Variants in ADGRB3 observed in about 807,000 individuals in gnomAD.
ADGRB3 encodes adhesion G protein-coupled receptor B3, also known as brain-specific angiogenesis inhibitor 3.
ADGRB3 carries 37 observed loss-of-function variants against 193.4 expected under a neutral mutation model. The observed-to-expected ratio is 0.19, with a 90% CI of 0.15 to 0.25. ADGRB3 has a LOEUF of 0.25. Among genes scored for constraint, ADGRB3 ranks in the 10% least tolerant of loss-of-function variants. ADGRB3 has a pLI of 1.00. For missense variants in ADGRB3, 1,637 were observed against 1,852.9 expected (o/e 0.88, Z 2.14); for synonymous variants, 690 against 644.2 (o/e 1.07, Z -1.08).
At chr6:69,049,584 C>T (rs773040366) in intron 15 of ADGRB3, among the ~76,000 whole-genome samples, 2 of 151,930 alleles carry the variant, frequency 1.3e-5, no homozygotes, top group African/African-American at 4.8e-5. Context: ...ACTGATAATG[C>T]CTTGCCTTGA....
rs115340418 is a variant in ADGRB3, at chr6:69,373,652, T to C, written c.4275+1211T>C. ...ATATTCAGCAATCTTTGCCTTCAGATTTTTTAGTGCCTTTGAAGAACAGAT... is the reference window on the plus strand; with the variant it reads ...ATATTCAGCAATCTTTGCCTTCAGACTTTTTAGTGCCTTTGAAGAACAGAT... On this transcript the variant is annotated intron_variant, in intron 30 of 31. Coordinates refer to ENST00000370598, the MANE Select transcript of ADGRB3 (RefSeq NM_001704.3). Among the ~76,000 whole-genome samples the C allele has an allele frequency of 1.8e-3, 279 of 152,196 alleles. 1 individual carries two copies. Among genetic ancestry groups the C allele is most frequent in the Middle Eastern group, 0.01 (3 of 294 alleles).
At chr6:69,245,102 C>T (rs1766469956) in intron 20 of ADGRB3, among the ~76,000 whole-genome samples, 1 of 152,012 alleles carries the variant, frequency 6.6e-6, no homozygotes, top group Non-Finnish European at 1.5e-5. Context: ...GGAAGTTATC[C>T]TTGATGTCTC....
At chr6:69,003,244 G>A (rs1769635990) in intron 11 of ADGRB3, among the ~76,000 whole-genome samples, 1 of 152,150 alleles carries the variant, frequency 6.6e-6, no homozygotes, top group African/African-American at 2.4e-5. Context: ...TACTGCCAAT[G>A]CAGATATGTA....
intron 21 of ADGRB3, among the ~76,000 whole-genome samples, chr6:69,325,622 T>G (rs1156309186): frequency 6.6e-6 from 1 of 152,186 alleles, no homozygotes; most frequent in Non-Finnish European, 1.5e-5. Context: ...AAGATCTATA[T>G]TATAGGGCCA....
intron 3 of ADGRB3, among the ~76,000 whole-genome samples, chr6:68,711,319 T>G (rs1198411757): frequency 6.6e-6 from 1 of 152,170 alleles, no homozygotes; most frequent in Non-Finnish European, 1.5e-5. Flanking sequence ...CCAATCTCTA[T>G]TTTTACAAAG....
At chr6:69,010,818 G>A (rs570366378) in intron 11 of ADGRB3, among the ~76,000 whole-genome samples, 15 of 150,224 alleles carry the variant, frequency 1.0e-4, no homozygotes, top group African/African-American at 3.4e-4. Context: ...GCAAAAAAAT[G>A]AGACAAAAAC....
At position 69,388,982 on chromosome 6, in the gene ADGRB3, A is replaced by C; in HGVS notation, c.*91A>C. ...CTGACATTTCTATCTGGACAGTGTG[A>C]CTATCTTATGTCAGGACCTTCATGT... On this transcript the variant is annotated 3_prime_UTR_variant, in exon 32 of 32. Coordinates refer to ENST00000370598, the MANE Select transcript of ADGRB3 (RefSeq NM_001704.3). 1 of 1,302,350 alleles carries C rather than the reference A, an allele frequency of 7.7e-7. No individual in the cohort carries two copies. The highest frequency in any genetic ancestry group is 1.0e-6 in the Non-Finnish European group (1 of 956,826). The allele number at this position is 1,302,350 out of a possible 1,614,324, so 80.7% of individuals were successfully genotyped here.
At chr6:68,735,880 T>G (rs1187819347) in intron 3 of ADGRB3, among the ~76,000 whole-genome samples, 1 of 152,206 alleles carries the variant, frequency 6.6e-6, no homozygotes, top group Non-Finnish European at 1.5e-5. Flanking sequence ...GATTTTGCAG[T>G]CTTTATAGAG....
At chr6:69,038,410 A>T (rs1032857028) in intron 13 of ADGRB3, among the ~76,000 whole-genome samples, 2 of 151,556 alleles carry the variant, frequency 1.3e-5, no homozygotes, top group African/African-American at 4.9e-5. Context: ...TTGGTTTATT[A>T]TCATCTAATG....
In ADGRB3 at chr6:69,049,402, T is replaced by C. The variant is rs1771329372; in HGVS notation, c.2333+56T>C. 2.4e-6 allele frequency: 3 copies of C among 1,258,920 alleles called. No homozygotes were observed. The Admixed American group carries it at 6.0e-5, about 25-fold the overall frequency. The allele number at this position is 1,258,920 out of a possible 1,614,324, so 78.0% of individuals were successfully genotyped here. On this transcript the variant is annotated intron_variant, in intron 15 of 31. Coordinates refer to ENST00000370598, the MANE Select transcript of ADGRB3 (RefSeq NM_001704.3). ...TTTGTAAATTATTCCAAAATGTGAT[T>C]ATAGCTCATTCTATAAAAATAGTCA...
chr6:69,291,544 G>A (rs1171909256), intron 20 of ADGRB3, among the ~76,000 whole-genome samples: 1 of 152,138 alleles, frequency 6.6e-6, no homozygotes, highest in Non-Finnish European at 1.5e-5. Context: ...AACGCCCTTA[G>A]TATCATTAGC....
chr6:69,016,329 A>G (rs1770090312), intron 12 of ADGRB3, among the ~76,000 whole-genome samples: 1 of 151,958 alleles, frequency 6.6e-6, no homozygotes, highest in Non-Finnish European at 1.5e-5. Context: ...CACATTCATT[A>G]TTTAATAATC....
chr6:69,374,829 T>C (rs146739544), intron 30 of ADGRB3, among the ~76,000 whole-genome samples: 2,326 of 152,196 alleles, frequency 0.015, 55 homozygotes, highest in African/African-American at 0.053. Flanking sequence ...TCCATCCAGT[T>C]TGTTTAACAA....
chr6:69,258,943 A>G (rs575426179), intron 20 of ADGRB3, among the ~76,000 whole-genome samples: 14 of 152,360 alleles, frequency 9.2e-5, no homozygotes, highest in African/African-American at 3.4e-4. Context: ...AAAGCTAGAT[A>G]AGAAATAGAA....
chr6:68,772,892 AAAATATATATATATATAT>A (rs869158134), intron 3 of ADGRB3, among the ~76,000 whole-genome samples: 472 of 30,552 alleles, frequency 0.015, 13 homozygotes, highest in African/African-American at 0.068. Flanking sequence ...CAAAAAAAAA[AAAATATATATATATATAT>A]ATATATATAT....
chr6:68,722,422 G>A (rs906060767), intron 3 of ADGRB3, among the ~76,000 whole-genome samples: 69 of 151,504 alleles, frequency 4.6e-4, no homozygotes, highest in African/African-American at 1.5e-3. Flanking sequence ...GCACGTGTAC[G>A]TCTATGTGAC....
intron 20 of ADGRB3, among the ~76,000 whole-genome samples, chr6:69,308,734 C>G (rs1226901596): frequency 6.6e-6 from 1 of 151,586 alleles, no homozygotes; most frequent in African/African-American, 2.4e-5. Flanking sequence ...TAATTTCCTT[C>G]TAACTGATTT....
At position 68,930,609 on chromosome 6, in the gene ADGRB3, G is replaced by C; in HGVS notation, c.808G>C (p.Val270Leu). 6.2e-7 allele frequency: 1 copy of C among 1,612,710 alleles called. No homozygotes were observed. The highest frequency in any genetic ancestry group is 2.2e-5 in the East Asian group (1 of 44,794). Reference protein sequence around the residue: ...HTIKSQRPRSVHEKRVPQEQA... With the variant: ...HTIKSQRPRSLHEKRVPQEQA... ...AATTAAAAGTCAGCGACCTCGATCT[G>C]TTCATGAAAAAAGGGTCCCTCAGGA... Residue 270 changes from valine to leucine, a missense_variant, in exon 4 of 32, where the codon GTT becomes CTT. Physicochemically the swap from Val to Leu is conservative, Grantham distance 32. Around this residue, in one of 7 missense-constraint regions of ADGRB3, gnomAD observed 365 missense variants for 409.8 expected, o/e 0.89. Transcript: ENST00000370598.
At chr6:69,271,296 A>AT (rs925857245) in intron 20 of ADGRB3, among the ~76,000 whole-genome samples, 71 of 152,154 alleles carry the variant, frequency 4.7e-4, no homozygotes, top group Non-Finnish European at 1.8e-4. Context: ...TCAAGGCTCT[A>AT]TTTTTTGTAT....
Sources: allele counts gnomAD v4.1 joint callset (sites outside exome capture counted in the v4.1 genomes callset), GRCh38; gene constraint gnomAD v4.1.1; regional missense constraint gnomAD v4.1.1; transcripts MANE v1.5; gene names NCBI Gene and HGNC (gene_info 2026-07-23, HGNC 2026-07-21).